The following CADPS2 variants were observed in gnomAD, a reference collection of about 807,000 sequenced individuals.
CADPS2 encodes the protein calcium dependent secretion activator 2.
A neutral mutation model predicts 172.5 loss-of-function variants in CADPS2; 93 were observed. That is an observed-to-expected ratio of 0.54 (90% CI 0.46 to 0.64). CADPS2 has a LOEUF of 0.64. Among genes scored for constraint, CADPS2 ranks in the 30% least tolerant of loss-of-function variants. The pLI is 0.00. For synonymous variants in CADPS2, 546 were observed against 555.2 expected, an observed-to-expected ratio of 0.98 and a Z score of 0.23; for missense variants, 1,420 against 1,565.9, an observed-to-expected ratio of 0.91 and a Z score of 1.57.
At chr7:122,663,889 T>C (rs1158714522) in intron 2 of CADPS2, among the ~76,000 whole-genome samples, 1 of 152,116 alleles carries the variant, frequency 6.6e-6, no homozygotes, top group Non-Finnish European at 1.5e-5. Flanking sequence ...ATTCGTGCTC[T>C]TATACACAGA....
chr7:122,489,633 A>G (rs1207796445), intron 11 of CADPS2, among the ~76,000 whole-genome samples: 1 of 152,128 alleles, frequency 6.6e-6, no homozygotes, highest in Non-Finnish European at 1.5e-5. Flanking sequence ...TCAATCTACA[A>G]CAAAAAAATA....
intron 1 of CADPS2, among the ~76,000 whole-genome samples, chr7:122,753,511 G>A (rs2093032435): frequency 6.6e-6 from 1 of 152,120 alleles, no homozygotes; most frequent in South Asian, 2.1e-4. Context: ...AGTGATGGGG[G>A]AGACAAAAAG....
At chr7:122,750,476 T>G (rs2092905229) in intron 1 of CADPS2, among the ~76,000 whole-genome samples, 3 of 152,272 alleles carry the variant, frequency 2.0e-5, no homozygotes, top group Middle Eastern at 3.4e-3. Context: ...TTCTTTGGAT[T>G]GTCCTGTTTC....
intron 9 of CADPS2, among the ~76,000 whole-genome samples, chr7:122,498,446 T>A (rs1227803632): frequency 6.6e-6 from 1 of 152,200 alleles, no homozygotes; most frequent in East Asian, 1.9e-4. Flanking sequence ...ATTTTTCCTT[T>A]ATTTAATGCC....
intron 1 of CADPS2, among the ~76,000 whole-genome samples, chr7:122,798,566 C>T (rs1489126901): frequency 6.6e-6 from 1 of 152,022 alleles, no homozygotes; most frequent in Non-Finnish European, 1.5e-5. Context: ...TTATTTTACT[C>T]GATATGTAAT....
chr7:122,834,019 G>A (rs2140695514), intron 1 of CADPS2, among the ~76,000 whole-genome samples: 1 of 152,200 alleles, frequency 6.6e-6, no homozygotes, highest in African/African-American at 2.4e-5. Flanking sequence ...TGCAGCCTGG[G>A]TGGAAAAAAA....
chr7:122,834,573 G>A lies in CADPS2; in HGVS notation c.339+51426C>T, dbSNP rs969344181. Among the ~76,000 whole-genome samples the A allele has an allele frequency of 6.6e-5, 10 of 152,116 alleles. No homozygotes were observed. The East Asian group carries it at 1.7e-3, about 26-fold the overall frequency. On this transcript the variant is annotated intron_variant, in intron 1 of 29. Transcript: ENST00000449022. Reference sequence around the variant, plus strand: ...GTGACAGACAGCACCTGGAAAACTGGGTCACTCCCACCCTAATACTGCACT... The same window carrying A: ...GTGACAGACAGCACCTGGAAAACTGAGTCACTCCCACCCTAATACTGCACT...
At chr7:122,613,688 T>C (rs933203314) in intron 6 of CADPS2, among the ~76,000 whole-genome samples, 5 of 151,908 alleles carry the variant, frequency 3.3e-5, no homozygotes, top group Non-Finnish European at 5.9e-5. Context: ...TTTTTTTTTT[T>C]CTTGAGATGA....
chr7:122,570,758 T>A (rs1277615946), intron 7 of CADPS2, among the ~76,000 whole-genome samples: 4 of 151,944 alleles, frequency 2.6e-5, no homozygotes, highest in Admixed American at 6.6e-5. Context: ...TTGGAAATCA[T>A]CATTCTCAGT....
chr7:122,578,212 CAT>C (rs34509722), intron 7 of CADPS2, among the ~76,000 whole-genome samples: 2,277 of 151,470 alleles, frequency 0.015, 57 homozygotes, highest in African/African-American at 0.052. Flanking sequence ...AATGTGTGCA[CAT>C]ATATATATAC....
At chr7:122,368,867 C>A (rs1339855897) in intron 25 of CADPS2, among the ~76,000 whole-genome samples, 5 of 151,968 alleles carry the variant, frequency 3.3e-5, no homozygotes, top group African/African-American at 1.2e-4. Flanking sequence ...AAAAGGCTGT[C>A]AGTTTTTAAA....
At chr7:122,532,786 G>T (rs1219967156) in intron 8 of CADPS2, among the ~76,000 whole-genome samples, 1 of 151,922 alleles carries the variant, frequency 6.6e-6, no homozygotes, top group Non-Finnish European at 1.5e-5. Context: ...TATATTTCCC[G>T]AGAGTACGAT....
chr7:122,595,416 G>A lies in CADPS2; in HGVS notation c.1224-14126C>T, dbSNP rs189809022. 7.9e-5 allele frequency among the ~76,000 whole-genome samples: 12 copies of A among 152,044 alleles called. No individual in the cohort carries two copies. The East Asian group carries it at 2.3e-3, about 30-fold the overall frequency. On this transcript the variant is annotated intron_variant, in intron 6 of 29. Transcript: ENST00000449022. ...ATGTTCTTTGGGGCCAGTCATTTGG[G>A]GTTATAAAAATGTTTTGCTTTACAT... is the stretch of plus-strand genomic sequence containing the variant.
At chr7:122,847,088 C>T (rs1812186706) in intron 1 of CADPS2, among the ~76,000 whole-genome samples, 2 of 151,504 alleles carry the variant, frequency 1.3e-5, no homozygotes, top group South Asian at 4.2e-4. Flanking sequence ...ACATTCATAC[C>T]TTTTTTTTTC....
At chr7:122,638,797 C>T (rs952887099) in intron 3 of CADPS2, among the ~76,000 whole-genome samples, 1 of 152,232 alleles carries the variant, frequency 6.6e-6, no homozygotes, top group African/African-American at 2.4e-5. Context: ...CCCAGGCAGG[C>T]AGCTGCCCAG....
At chr7:122,603,645 A>C (rs547259493) in intron 6 of CADPS2, among the ~76,000 whole-genome samples, 2 of 152,246 alleles carry the variant, frequency 1.3e-5, no homozygotes, top group Admixed American at 1.3e-4. Context: ...AACAGATATA[A>C]ATAGCCATAG....
chr7:122,541,666 CATAT>C (rs540607663), intron 8 of CADPS2, among the ~76,000 whole-genome samples: 1 of 143,184 alleles, frequency 7.0e-6, no homozygotes, highest in Non-Finnish European at 1.5e-5. Flanking sequence ...TTTATATATT[CATAT>C]ATGTTTATAT....
chr7:122,431,344 C>A (rs2049881007), intron 17 of CADPS2, among the ~76,000 whole-genome samples: 1 of 151,944 alleles, frequency 6.6e-6, no homozygotes, highest in South Asian at 2.1e-4. Flanking sequence ...CATTCTAGGA[C>A]AATAAGTGGG....
intron 1 of CADPS2, among the ~76,000 whole-genome samples, chr7:122,773,912 G>C (rs2093783415): frequency 6.6e-6 from 1 of 151,848 alleles, no homozygotes; most frequent in South Asian, 2.1e-4. Context: ...CCTTCACCTT[G>C]TTTGTTCTGA....
Sources: gnomAD v4.1 joint callset for allele counts (sites outside exome capture counted in the v4.1 genomes callset) on GRCh38, gnomAD v4.1.1 for gene constraint, MANE v1.5 for transcripts, NCBI Gene and HGNC (gene_info 2026-07-23, HGNC 2026-07-21) for gene names.